The following KCNQ3 variants were observed in gnomAD, a reference collection of about 807,000 sequenced individuals.
KCNQ3 encodes potassium voltage-gated channel subfamily KQT member 3.
In KCNQ3, 30 loss-of-function variants were observed where a neutral mutation model predicts 92.5. That is an observed-to-expected ratio of 0.32 (90% confidence interval 0.24 to 0.44). The LOEUF (loss-of-function observed/expected upper bound fraction) is 0.44, where lower values mean the gene tolerates loss of function less well. Among genes scored for constraint, KCNQ3 ranks in the 20% least tolerant of loss-of-function variants. The pLI is 1.00. For missense variants in KCNQ3, 913 were observed against 1,140.3 expected, an observed-to-expected ratio of 0.80 and a Z score of 2.87; for synonymous variants, 450 against 468.8, an observed-to-expected ratio of 0.96 and a Z score of 0.52.
chr8:132,451,054 C>G (rs1821807158), intron 1 of KCNQ3, among the ~76,000 whole-genome samples: 1 of 152,156 alleles, frequency 6.6e-6, no homozygotes, highest in Non-Finnish European at 1.5e-5. Flanking sequence ...CAAATCTCAC[C>G]TTGAATGGTA....
intron 1 of KCNQ3, among the ~76,000 whole-genome samples, chr8:132,217,710 CAA>C (rs1170925572): frequency 0.018 from 1,175 of 66,340 alleles, 6 homozygotes; most frequent in South Asian, 0.092. Context: ...GGCTCTGTCT[CAA>C]AAAAAAAAAA....
At chr8:132,409,732 C>T (rs1340974896) in intron 1 of KCNQ3, among the ~76,000 whole-genome samples, 8 of 152,190 alleles carry the variant, frequency 5.3e-5, no homozygotes, top group African/African-American at 9.7e-5. Context: ...CTCCCTATTT[C>T]CCTATTTTAG....
chr8:132,305,651 T>A (rs1817395567), intron 1 of KCNQ3, among the ~76,000 whole-genome samples: 1 of 152,098 alleles, frequency 6.6e-6, no homozygotes. Context: ...GTACTGACTC[T>A]GGCTGTAGCT....
In KCNQ3 at chr8:132,349,694, T is replaced by G. The variant is rs1442647351; in HGVS notation, c.386+130453A>C. Among the ~76,000 whole-genome samples, 3 of 152,226 alleles carry G rather than the reference T, an allele frequency of 2.0e-5. No individual in the cohort carries two copies. In the East Asian group the frequency reaches 5.8e-4, roughly 29 times the overall value. On this transcript the variant is annotated intron_variant, in intron 1 of 14. Transcript: ENST00000388996. Reference sequence around the variant, plus strand: ...GCCCAGGAGACCTGCAGAGCAGACCTGCAGGTAGAAGAAAAGCCATCCAGC... The same window carrying G: ...GCCCAGGAGACCTGCAGAGCAGACCGGCAGGTAGAAGAAAAGCCATCCAGC...
intron 1 of KCNQ3, among the ~76,000 whole-genome samples, chr8:132,215,744 CTGAT>C (rs1814010246): frequency 6.6e-6 from 1 of 152,222 alleles, no homozygotes; most frequent in South Asian, 2.1e-4. Flanking sequence ...TAGCCCATGA[CTGAT>C]AGGTGAGGGT....
intron 1 of KCNQ3, among the ~76,000 whole-genome samples, chr8:132,230,449 CAGAGAGAGAGAGAG>C (rs5895132): frequency 9.8e-5 from 14 of 142,362 alleles, no homozygotes; most frequent in African/African-American, 2.6e-4. Flanking sequence ...GAGAGAGAGA[CAGAGAGAGAGAGAG>C]AGAGAGAGAG....
At chr8:132,367,802 T>C (rs1819365872) in intron 1 of KCNQ3, among the ~76,000 whole-genome samples, 1 of 152,240 alleles carries the variant, frequency 6.6e-6, no homozygotes, top group Non-Finnish European at 1.5e-5. Context: ...CATGAGTCAC[T>C]GTGCCCCATC....
intron 1 of KCNQ3, among the ~76,000 whole-genome samples, chr8:132,439,416 C>T (rs1186694834): frequency 1.3e-5 from 2 of 152,100 alleles, no homozygotes; most frequent in African/African-American, 2.4e-5. Context: ...CCCAGCAGGA[C>T]TTCTCACTGA....
intron 1 of KCNQ3, among the ~76,000 whole-genome samples, chr8:132,409,752 A>C (rs1411598987): frequency 6.6e-6 from 1 of 152,224 alleles, no homozygotes; most frequent in Admixed American, 6.5e-5. Flanking sequence ...GAGTCAGTGC[A>C]TATTGAAATG....
At chr8:132,162,975 G>A (rs987951614) in intron 9 of KCNQ3, among the ~76,000 whole-genome samples, 2 of 152,148 alleles carry the variant, frequency 1.3e-5, no homozygotes, top group African/African-American at 4.8e-5. Flanking sequence ...GGTTTACTGG[G>A]AAACCTCCAC....
At position 132,480,483 on chromosome 8, in the gene KCNQ3, T is replaced by TCGC. The variant is rs981093917; in HGVS notation, c.47_49dup (p.Gly16dup). ...CGCCCCGCCGCCTCCGCCGCCCCCG[T>TCGC]CGCCGCCGCCGCCAGCCGCCCCCGC... On this transcript the variant is annotated inframe_insertion, in exon 1 of 15. Transcript: ENST00000388996. The TCGC allele has an allele frequency of 9.9e-6, 12 of 1,211,130 alleles. No homozygotes were observed. The African/African-American group carries it at 1.6e-4, about 16-fold the overall frequency. The allele number at this position is 1,211,130 out of a possible 1,614,324, so 75.0% of individuals were successfully genotyped here.
At chr8:132,389,913 G>A (rs1216260687) in intron 1 of KCNQ3, among the ~76,000 whole-genome samples, 1 of 152,204 alleles carries the variant, frequency 6.6e-6, no homozygotes, top group Non-Finnish European at 1.5e-5. Context: ...CAGCAGTTGT[G>A]TACCTAGGTA....
In KCNQ3 at chr8:132,466,612, C is replaced by T. The variant is rs184362473; in HGVS notation, c.386+13535G>A. Among the ~76,000 whole-genome samples the T allele has an allele frequency of 2.6e-5, 4 of 152,252 alleles. No individual in the cohort carries two copies. In the East Asian group the frequency reaches 7.7e-4, roughly 29 times the overall value. On this transcript the variant is annotated intron_variant, in intron 1 of 14. Coordinates refer to ENST00000388996, the MANE Select transcript of KCNQ3 (RefSeq NM_004519.4). ...CTTAATGACACATCCTTATAATCTA[C>T]TTCTTTCCTGTCTTATTTCACTTAC...
chr8:132,226,674 C>T (rs1162417308), intron 1 of KCNQ3, among the ~76,000 whole-genome samples: 1 of 152,118 alleles, frequency 6.6e-6, no homozygotes, highest in Non-Finnish European at 1.5e-5. Flanking sequence ...CATGTGGTCA[C>T]CCCGGGAAGA....
intron 8 of KCNQ3, among the ~76,000 whole-genome samples, chr8:132,167,244 A>G (rs1014166772): frequency 3.3e-5 from 5 of 152,196 alleles, no homozygotes; most frequent in African/African-American, 9.6e-5. Flanking sequence ...AAAGACAGAA[A>G]GTAGATAGTG....
intron 1 of KCNQ3, among the ~76,000 whole-genome samples, chr8:132,196,555 T>C (rs1827302761): frequency 6.6e-6 from 1 of 152,242 alleles, no homozygotes; most frequent in Non-Finnish European, 1.5e-5. Flanking sequence ...CCTCTTGGGA[T>C]CACAGTGACC....
chr8:132,172,037 T>C (rs909249984), intron 7 of KCNQ3, among the ~76,000 whole-genome samples: 2 of 151,692 alleles, frequency 1.3e-5, no homozygotes, highest in East Asian at 3.9e-4. Flanking sequence ...GTGGTGTACA[T>C]GGTGGTACGT....
intron 9 of KCNQ3, among the ~76,000 whole-genome samples, chr8:132,151,753 C>A (rs577563534): frequency 6.6e-6 from 1 of 152,284 alleles, no homozygotes; most frequent in East Asian, 1.9e-4. Flanking sequence ...ACTTCAGTTT[C>A]AAAACTGTGT....
At chr8:132,372,424 C>T (rs1327987020) in intron 1 of KCNQ3, among the ~76,000 whole-genome samples, 2 of 152,116 alleles carry the variant, frequency 1.3e-5, no homozygotes, top group Non-Finnish European at 2.9e-5. Context: ...ATTAATACTA[C>T]TCCCCCAGGG....
Sources: gnomAD v4.1 joint callset for allele counts (sites outside exome capture counted in the v4.1 genomes callset) on GRCh38, gnomAD v4.1.1 for gene constraint, MANE v1.5 for transcripts, NCBI Gene and HGNC (gene_info 2026-07-23, HGNC 2026-07-21) for gene names.